The following ARL15 variants were observed in gnomAD, a reference collection of about 807,000 sequenced individuals.
The protein encoded by ARL15 is ARF like GTPase 15.
A neutral mutation model predicts 25.2 loss-of-function variants in ARL15; 19 were observed. The ratio of observed to expected loss-of-function variants is 0.75; its 90% CI spans 0.53 to 1.10. The LOEUF (loss-of-function observed/expected upper bound fraction) is 1.10. ARL15 is among the 50% of genes least tolerant of loss of function. The probability of loss-of-function intolerance (pLI) is 0.00; values close to 1 mark genes in which losing one functional copy is unlikely to be tolerated. For synonymous variants in ARL15, 94 were observed against 86.8 expected, an observed-to-expected ratio of 1.08 and a Z score of -0.46; for missense variants, 220 against 246.0, an observed-to-expected ratio of 0.89 and a Z score of 0.71.
intron 1 of ARL15, among the ~76,000 whole-genome samples, chr5:54,278,261 G>T (rs1417572880): frequency 2.6e-5 from 4 of 152,104 alleles, no homozygotes; most frequent in Non-Finnish European, 5.9e-5. Context: ...GTGCCTCTCT[G>T]GCCTGGAGCT....
At chr5:54,095,653 TC>T (rs1004173778) in intron 4 of ARL15, among the ~76,000 whole-genome samples, 1 of 151,936 alleles carries the variant, frequency 6.6e-6, no homozygotes, top group African/African-American at 2.4e-5. Context: ...GCAGGCTTTC[TC>T]CCCCCAAGTA....
chr5:54,023,842 C>T (rs1400938900), intron 4 of ARL15, among the ~76,000 whole-genome samples: 1 of 152,200 alleles, frequency 6.6e-6, no homozygotes, highest in Non-Finnish European at 1.5e-5. Flanking sequence ...AGTCTGTCAA[C>T]ACACCTGAGC....
intron 4 of ARL15, among the ~76,000 whole-genome samples, chr5:53,890,014 C>T (rs192907182): frequency 3.9e-5 from 6 of 152,082 alleles, no homozygotes; most frequent in Admixed American, 2.0e-4. Context: ...AATTTCACCA[C>T]GTTGGCCAGG....
At chr5:54,151,675 T>G (rs1265712746) in intron 3 of ARL15, among the ~76,000 whole-genome samples, 3 of 152,040 alleles carry the variant, frequency 2.0e-5, no homozygotes, top group Non-Finnish European at 4.4e-5. Context: ...TCAACACATA[T>G]ATATTCACAC....
chr5:54,038,415 A>G (rs1466785410), intron 4 of ARL15, among the ~76,000 whole-genome samples: 2 of 152,148 alleles, frequency 1.3e-5, no homozygotes, highest in Non-Finnish European at 2.9e-5. Context: ...TTACTTAATT[A>G]TAATGATAAA....
intron 4 of ARL15, among the ~76,000 whole-genome samples, chr5:53,961,212 G>C (rs986135154): frequency 6.6e-6 from 1 of 152,064 alleles, no homozygotes; most frequent in Non-Finnish European, 1.5e-5. Context: ...ATATATACAA[G>C]GATCAAGCAT....
intron 4 of ARL15, among the ~76,000 whole-genome samples, chr5:54,048,994 A>G (rs1750622877): frequency 6.6e-6 from 1 of 152,074 alleles, no homozygotes; most frequent in Non-Finnish European, 1.5e-5. Context: ...TTATTTCCTC[A>G]GTTCCAAAAT....
Position 54,310,525 on chromosome 5 carries a change from A to G in ARL15, c.-46T>C. On this transcript the variant is annotated 5_prime_UTR_variant, in exon 1 of 5. Transcript: ENST00000504924. ...GAACGGCTCCGAACCCGGAAAAAAAAAGCAGCGTCTCTGGCTGCGAGCGAG... is the reference window on the plus strand; with the variant it reads ...GAACGGCTCCGAACCCGGAAAAAAAGAGCAGCGTCTCTGGCTGCGAGCGAG... 1.3e-6 allele frequency: 2 copies of G among 1,567,980 alleles called. No individual in the cohort carries two copies. The highest frequency in any genetic ancestry group is 1.7e-4 in the Middle Eastern group (1 of 5,970).
At chr5:54,199,728 C>T (rs1316145798) in intron 1 of ARL15, among the ~76,000 whole-genome samples, 4 of 150,034 alleles carry the variant, frequency 2.7e-5, no homozygotes, top group African/African-American at 9.9e-5. Flanking sequence ...TTGTGGAAGT[C>T]AGTGTGGCGA....
At chr5:53,890,648 AC>A (rs1203296500) in intron 4 of ARL15, among the ~76,000 whole-genome samples, 1 of 152,120 alleles carries the variant, frequency 6.6e-6, no homozygotes, top group Non-Finnish European at 1.5e-5. Flanking sequence ...CCATGTGTCC[AC>A]CCTAGAGATA....
In ARL15 at chr5:54,127,341, C is replaced by T. The variant is rs185977062; in HGVS notation, c.254-13931G>A. Among the ~76,000 whole-genome samples, 260 of 152,068 alleles carry T rather than the reference C, an allele frequency of 1.7e-3. 2 individuals are homozygous for T. The highest frequency in any genetic ancestry group is 8.1e-3 in the Admixed American group (123 of 15,274). On this transcript the variant is annotated intron_variant, in intron 3 of 4. Coordinates refer to ENST00000504924, the MANE Select transcript of ARL15 (RefSeq NM_019087.3). Reference sequence around the variant, plus strand: ...AAAGTCTCAGGATACAAAACCAATACGCAAAAATCACAAGCATTCTTATAC... The same window carrying T: ...AAAGTCTCAGGATACAAAACCAATATGCAAAAATCACAAGCATTCTTATAC...
chr5:54,137,186 C>T (rs1753631020), intron 3 of ARL15, among the ~76,000 whole-genome samples: 1 of 151,950 alleles, frequency 6.6e-6, no homozygotes, highest in Non-Finnish European at 1.5e-5. Context: ...TCTAGGTTAG[C>T]CATGTCAGGC....
At chr5:53,917,643 T>C (rs1295905935) in intron 4 of ARL15, among the ~76,000 whole-genome samples, 4 of 152,214 alleles carry the variant, frequency 2.6e-5, no homozygotes, top group African/African-American at 9.6e-5. Flanking sequence ...TTTATTTCCT[T>C]AAATCCTTAT....
chr5:53,994,964 C>G (rs898690246), intron 4 of ARL15, among the ~76,000 whole-genome samples: 2 of 152,138 alleles, frequency 1.3e-5, no homozygotes, highest in South Asian at 4.1e-4. Flanking sequence ...CATAAGCCAC[C>G]GTACCTGGTC....
chr5:54,055,187 C>G (rs560359604), intron 4 of ARL15, among the ~76,000 whole-genome samples: 11 of 152,138 alleles, frequency 7.2e-5, no homozygotes, highest in Non-Finnish European at 1.2e-4. Flanking sequence ...CCCTAGGCAA[C>G]CACCAATTTA....
At chr5:53,961,495 CAAAAAAAAAA>C (rs10589852) in intron 4 of ARL15, among the ~76,000 whole-genome samples, 26 of 68,880 alleles carry the variant, frequency 3.8e-4, no homozygotes, top group African/African-American at 1.3e-3. Context: ...GACTCTGTCT[CAAAAAAAAAA>C]AAAAAAAAAA....
chr5:54,050,004 T>C (rs1390547388), intron 4 of ARL15, among the ~76,000 whole-genome samples: 1 of 152,204 alleles, frequency 6.6e-6, no homozygotes, highest in Admixed American at 6.5e-5. Flanking sequence ...GGTACTGTAC[T>C]AGCCTTCCTC....
intron 4 of ARL15, among the ~76,000 whole-genome samples, chr5:53,901,131 G>A (rs1745053756): frequency 1.3e-5 from 2 of 152,146 alleles, no homozygotes; most frequent in African/African-American, 2.4e-5. Flanking sequence ...AGGTTCAAGA[G>A]CACATCATGT....
intron 4 of ARL15, among the ~76,000 whole-genome samples, chr5:53,892,949 A>G (rs535522292): frequency 6.6e-6 from 1 of 152,178 alleles, no homozygotes; most frequent in Admixed American, 6.5e-5. Flanking sequence ...TCTTGCTCCA[A>G]TTAATAGGAT....
Sources: allele counts gnomAD v4.1 joint callset (sites outside exome capture counted in the v4.1 genomes callset), GRCh38; gene constraint gnomAD v4.1.1; transcripts MANE v1.5; gene names NCBI Gene and HGNC (gene_info 2026-07-23, HGNC 2026-07-21).